The following SMG6 variants were observed in gnomAD, a reference collection of about 807,000 sequenced individuals.
SMG6 encodes SMG6 nonsense mediated mRNA decay factor.
SMG6 carries 66 observed loss-of-function variants against 142.2 expected under a neutral mutation model. The observed-to-expected ratio is 0.46, with a 90% CI of 0.38 to 0.57. The LOEUF (loss-of-function observed/expected upper bound fraction) is 0.57. Ranked by LOEUF, SMG6 falls within the 20% of genes least tolerant of loss-of-function variation. The probability of loss-of-function intolerance (pLI) is 0.00; values close to 1 mark genes in which losing one functional copy is unlikely to be tolerated. For missense variants in SMG6, 1,793 were observed against 1,832.0 expected, an observed-to-expected ratio of 0.98 and a Z score of 0.39; for synonymous variants, 779 against 702.4, an observed-to-expected ratio of 1.11 and a Z score of -1.72.
In SMG6 at chr17:2,134,419, C is replaced by CAAAAAAAAA. The variant is rs58429166; in HGVS notation, c.3357+38230_3357+38238dup. On this transcript the variant is annotated intron_variant, in intron 13 of 18. Coordinates refer to ENST00000263073, the MANE Select transcript of SMG6 (RefSeq NM_017575.5). ...GGGCGATAAGAGCGAGACTCCATCTCAAAAAAAAAAAAAAAAAAAAAAAAA... is the reference window on the plus strand; with the variant it reads ...GGGCGATAAGAGCGAGACTCCATCTCAAAAAAAAAAAAAAAAAAAAAAAAAAAAAAAAAA... Among the ~76,000 whole-genome samples, 23 of 28,724 alleles carry CAAAAAAAAA rather than the reference C, an allele frequency of 8.0e-4. 3 individuals are homozygous for CAAAAAAAAA. The highest frequency in any genetic ancestry group is 2.7e-3 in the African/African-American group (16 of 5,884). The allele number at this position is 28,724 out of a possible 152,430, so 18.8% of individuals were successfully genotyped here.
intron 13 of SMG6, among the ~76,000 whole-genome samples, chr17:2,132,799 TTTG>T (rs2070165985): frequency 6.6e-6 from 1 of 152,004 alleles, no homozygotes. Flanking sequence ...TATACTGCCT[TTTG>T]TTGTTGTTGA....
At chr17:2,214,728 C>T (rs981976317) in intron 10 of SMG6, among the ~76,000 whole-genome samples, 3 of 152,208 alleles carry the variant, frequency 2.0e-5, no homozygotes. Context: ...CCATGTGTCT[C>T]CTGGACTTTG....
intron 16 of SMG6, among the ~76,000 whole-genome samples, chr17:2,067,421 G>T (rs1189297280): frequency 6.6e-6 from 1 of 152,126 alleles, no homozygotes; most frequent in Admixed American, 6.5e-5. Flanking sequence ...TCTTTCAGTT[G>T]TACCCTTTCC....
chr17:2,173,213 G>A (rs1400427445), intron 12 of SMG6: 8 of 284,844 alleles, frequency 2.8e-5, no homozygotes, highest in Non-Finnish European at 5.4e-5. Flanking sequence ...GCTTGTGGCT[G>A]CTCCCAGAAT....
chr17:2,231,313 T>A (rs1376464158), intron 10 of SMG6, among the ~76,000 whole-genome samples: 1 of 152,314 alleles, frequency 6.6e-6, no homozygotes, highest in South Asian at 2.1e-4. Context: ...TACAGACAGC[T>A]GTAGCTAGCT....
At chr17:2,185,006 A>C (rs187488779) in intron 12 of SMG6, among the ~76,000 whole-genome samples, 106 of 148,348 alleles carry the variant, frequency 7.1e-4, no homozygotes, top group South Asian at 1.1e-3. Flanking sequence ...AGATGTGGAC[A>C]CAGAGACATG....
chr17:2,217,024 TC>T (rs1385512194), intron 10 of SMG6, among the ~76,000 whole-genome samples: 1 of 152,142 alleles, frequency 6.6e-6, no homozygotes, highest in Non-Finnish European at 1.5e-5. Flanking sequence ...ACACTGGCAA[TC>T]AGTGGCGAAC....
At chr17:2,160,262 C>A (rs2071134543) in intron 13 of SMG6, among the ~76,000 whole-genome samples, 1 of 152,046 alleles carries the variant, frequency 6.6e-6, no homozygotes, top group African/African-American at 2.4e-5. Context: ...CTCTATTGCC[C>A]AGGCTGGAGT....
intron 13 of SMG6, among the ~76,000 whole-genome samples, chr17:2,136,601 GCA>G (rs1337774376): frequency 1.3e-5 from 2 of 151,926 alleles, no homozygotes; most frequent in African/African-American, 4.8e-5. Context: ...ACACGCATAC[GCA>G]CACAGAGTCC....
In SMG6 at chr17:2,065,206, T is replaced by TGGA. The variant is rs749938653; in HGVS notation, c.4048-55_4048-53dup. 4.8e-5 allele frequency: 70 copies of TGGA among 1,469,370 alleles called. No individual in the cohort carries two copies. The African/African-American group carries it at 8.8e-4, about 18-fold the overall frequency. The allele number at this position is 1,469,370 out of a possible 1,614,324, so 91.0% of individuals were successfully genotyped here. A position where few individuals can be genotyped will look rare whatever the true frequency, so the allele number is the denominator to read the frequency against. On this transcript the variant is annotated intron_variant, in intron 17 of 18. Transcript: ENST00000263073. Reference sequence around the variant, plus strand: ...CCACTGGGCAGAAGGGGGCGCCATGTGGAGGAGGAGGAGGGATCCTCTGCC... The same window carrying TGGA: ...CCACTGGGCAGAAGGGGGCGCCATGTGGAGGAGGAGGAGGAGGGATCCTCTGCC...
In SMG6 at chr17:2,303,384, G is replaced by A. The variant is rs75203067; in HGVS notation, c.88+249C>T. Reference sequence around the variant, plus strand: ...GGCAAAAGGAACAGTCACCTTCGCGGCGAGAAAGAGGGTGGAGGCAGGAAT... The same window carrying A: ...GGCAAAAGGAACAGTCACCTTCGCGACGAGAAAGAGGGTGGAGGCAGGAAT... On this transcript the variant is annotated intron_variant, in intron 1 of 18. Coordinates refer to ENST00000263073, the MANE Select transcript of SMG6 (RefSeq NM_017575.5). 5.8e-4 allele frequency: 719 copies of A among 1,237,152 alleles called. 4 individuals carry two copies. In the African/African-American group the frequency reaches 0.01, roughly 18 times the overall value. 76.6% of individuals were successfully genotyped at this position (1,237,152 alleles called of 1,614,324 possible).
chr17:2,162,658 C>T (rs1427528611), intron 13 of SMG6, among the ~76,000 whole-genome samples: 1 of 151,954 alleles, frequency 6.6e-6, no homozygotes, highest in Non-Finnish European at 1.5e-5. Flanking sequence ...AGCTGAGATC[C>T]TGTCTCTAAT....
chr17:2,124,244 C>A (rs1369542293), intron 13 of SMG6, among the ~76,000 whole-genome samples: 4 of 152,138 alleles, frequency 2.6e-5, no homozygotes, highest in Non-Finnish European at 5.9e-5. Context: ...ATCCCAAATG[C>A]TACAGTAAAG....
chr17:2,303,604 C>G, intron 1 of SMG6, 29 bp downstream of exon 1: 3 of 1,414,570 alleles, frequency 2.1e-6, no homozygotes, highest in Non-Finnish European at 1.8e-6. Flanking sequence ...CGGGCAGGCC[C>G]GGCCCAGGAG....
In SMG6 at chr17:2,282,654, G is replaced by A. The variant is rs2074814456; in HGVS notation, c.2654C>T (p.Pro885Leu). 1 of 1,613,794 alleles carries A rather than the reference G, an allele frequency of 6.2e-7. No individual in the cohort carries two copies. Among genetic ancestry groups the A allele is most frequent in the Non-Finnish European group, 8.5e-7 (1 of 1,179,948 alleles). Residue 885 changes from proline to leucine, a missense_variant, in exon 8 of 19, where the codon CCC (proline) becomes CTC (leucine). Around this residue, in one of 3 missense-constraint regions of SMG6, gnomAD observed 1,597 missense variants for 1,584.6 expected, o/e 1.01. Transcript: ENST00000263073. ...TCATTCTCAGGAACTTACATCACTG[G>A]GACTCAGGCTGCCCAGCCCATTCTC... ...EQENGLGSLS[P>L]SDLNKRFILS...
rs563295280 is a variant in SMG6, at chr17:2,297,157, C to G, written c.2151+86G>C. On this transcript the variant is annotated intron_variant, in intron 4 of 18. Coordinates refer to ENST00000263073, the MANE Select transcript of SMG6 (RefSeq NM_017575.5). ...GTATCATTATTTTATCCTCAACACC[C>G]AGTACAGTGTCTAGCACATACCTAA... is the stretch of plus-strand genomic sequence containing the variant. 7 of 880,904 alleles carry G rather than the reference C, an allele frequency of 7.9e-6. No individual in the cohort carries two copies. The South Asian group carries it at 9.9e-5, about 12-fold the overall frequency. 54.6% of individuals were successfully genotyped at this position (880,904 alleles called of 1,614,324 possible).
chr17:2,178,304 AAG>A (rs1450653204), intron 12 of SMG6, among the ~76,000 whole-genome samples: 4 of 152,312 alleles, frequency 2.6e-5, no homozygotes, highest in African/African-American at 7.2e-5. Context: ...AAAGGTATCA[AAG>A]GCCACCATTC....
At chr17:2,117,336 G>A (rs1206434966) in intron 13 of SMG6, among the ~76,000 whole-genome samples, 1 of 151,904 alleles carries the variant, frequency 6.6e-6, no homozygotes, top group Non-Finnish European at 1.5e-5. Flanking sequence ...AAAAAACGCT[G>A]AAAGCATAAA....
At chr17:2,175,248 A>G (rs1296226155) in intron 12 of SMG6, among the ~76,000 whole-genome samples, 1 of 152,212 alleles carries the variant, frequency 6.6e-6, no homozygotes, top group Non-Finnish European at 1.5e-5. Context: ...GAGAAGGAAG[A>G]AGGTGAAAAG....
Sources: gnomAD v4.1 joint callset for allele counts (sites outside exome capture counted in the v4.1 genomes callset) on GRCh38, gnomAD v4.1.1 for gene constraint, gnomAD v4.1.1 regional missense constraint, MANE v1.5 for transcripts, NCBI Gene and HGNC (gene_info 2026-07-23, HGNC 2026-07-21) for gene names.